The following MYBL2 variants were observed in gnomAD, a reference collection of about 807,000 sequenced individuals.
The protein encoded by MYBL2 is MYB proto-oncogene like 2.
Under a neutral mutation model 79.9 loss-of-function variants are expected in MYBL2, and 28 were observed. The ratio of observed to expected loss-of-function variants is 0.35; its 90% CI spans 0.26 to 0.48. MYBL2 has a LOEUF of 0.48. Among genes scored for constraint, MYBL2 ranks in the 20% least tolerant of loss-of-function variants. The pLI, the probability that MYBL2 is intolerant of heterozygous loss-of-function variation, is 0.99. For missense variants in MYBL2, 735 were observed against 893.9 expected (o/e 0.82, Z 2.27); for synonymous variants, 378 against 361.2 (o/e 1.05, Z -0.53).
At chr20:43,671,524 G>A (rs1185968485) in intron 1 of MYBL2, among the ~76,000 whole-genome samples, 1 of 137,920 alleles carries the variant, frequency 7.3e-6, no homozygotes, top group Non-Finnish European at 1.5e-5. Context: ...CCAGGCTAGA[G>A]TGCAATGGCT....
Position 43,684,975 on chromosome 20 carries a change from C to T in MYBL2, c.280-1877C>T, listed in dbSNP as rs568916318. On this transcript the variant is annotated intron_variant, in intron 4 of 13. Transcript: ENST00000217026. ...CAGCCTGACCAACATGGCGAAACCCCGTCTCTACTAAAAATGCAAAGATGA... is the reference window on the plus strand; with the variant it reads ...CAGCCTGACCAACATGGCGAAACCCTGTCTCTACTAAAAATGCAAAGATGA... 3.3e-5 allele frequency among the ~76,000 whole-genome samples: 5 copies of T among 151,370 alleles called. No individual in the cohort carries two copies. In the East Asian group the frequency reaches 8.0e-4, roughly 24 times the overall value.
At chr20:43,680,718 C>G (rs1265549671) in intron 2 of MYBL2, among the ~76,000 whole-genome samples, 1 of 152,146 alleles carries the variant, frequency 6.6e-6, no homozygotes, top group Non-Finnish European at 1.5e-5. Flanking sequence ...TGGTCTCGAA[C>G]CCCTGACCTC....
intron 8 of MYBL2, among the ~76,000 whole-genome samples, chr20:43,703,235 C>T (rs1047550578): frequency 7.9e-5 from 12 of 151,800 alleles, no homozygotes; most frequent in African/African-American, 2.9e-4. Flanking sequence ...AGCAGACTTA[C>T]CAGCACTGGG....
At chr20:43,672,944 C>A (rs1286283038) in intron 1 of MYBL2, among the ~76,000 whole-genome samples, 1 of 152,026 alleles carries the variant, frequency 6.6e-6, no homozygotes, top group East Asian at 1.9e-4. Context: ...TCTTAACTTT[C>A]TTTTTCCTTT....
intron 1 of MYBL2, among the ~76,000 whole-genome samples, chr20:43,668,897 C>G (rs1220475877): frequency 6.6e-6 from 1 of 152,146 alleles, no homozygotes; most frequent in East Asian, 1.9e-4. Flanking sequence ...GACAGAGCCA[C>G]TCTGTGTTGC....
rs1195606879 is a variant in MYBL2 at position 43,716,067 on chromosome 20, C to T, written c.2083C>T (p.Arg695Trp). Residue 695 changes from arginine to tryptophan, a missense_variant, in exon 14 of 14, where the codon CGG (arginine) becomes TGG (tryptophan). Physicochemically the swap from Arg to Trp is moderately radical, Grantham distance 101. Around this residue, in one of 5 missense-constraint regions of MYBL2, gnomAD observed 204 missense variants for 202.9 expected, o/e 1.01. Transcript: ENST00000217026. ...CCGCCTGAAGCCCAGCCACACATCT[C>T]GGACCCTCATCTTGTCCTGAGGTGT... is the stretch of plus-strand genomic sequence containing the variant. ...LGRLKPSHTS[R>W]TLILS is the part of the protein sequence containing the mutation. 6.2e-7 allele frequency: 1 copy of T among 1,608,886 alleles called. No homozygotes were observed. Among genetic ancestry groups the T allele is most frequent in the African/African-American group, 1.3e-5 (1 of 75,012 alleles).
Position 43,716,271 on chromosome 20 carries a change from G to A in MYBL2, c.*184G>A, listed in dbSNP as rs1308685859. ...TGCCCTGTTGCCGAGCCCAGCTGTG[G>A]GCGGCTCCTGGTGCTAACAACAAAG... On this transcript the variant is annotated 3_prime_UTR_variant, in exon 14 of 14. Transcript: ENST00000217026. The A allele has an allele frequency of 9.2e-6, 8 of 872,292 alleles. No individual in the cohort carries two copies. The Admixed American group carries it at 2.6e-4, about 29-fold the overall frequency. 54.0% of individuals were successfully genotyped at this position (872,292 alleles called of 1,614,324 possible). A position where few individuals can be genotyped will look rare whatever the true frequency, so the allele number is the denominator to read the frequency against.
At chr20:43,712,330 C>T (rs1987926309) in intron 11 of MYBL2, among the ~76,000 whole-genome samples, 2 of 152,154 alleles carry the variant, frequency 1.3e-5, no homozygotes, top group South Asian at 2.1e-4. Flanking sequence ...GGGAGGTGGG[C>T]GGTCAGCCTG....
At chr20:43,676,707 T>A (rs1987017761) in intron 2 of MYBL2, among the ~76,000 whole-genome samples, 1 of 152,228 alleles carries the variant, frequency 6.6e-6, no homozygotes, top group Admixed American at 6.5e-5. Flanking sequence ...GGTGTATGTT[T>A]AGTTTTACAG....
Position 43,692,244 on chromosome 20 carries a change from C to T in MYBL2, c.588C>T (p.Cys196=). The T allele has an allele frequency of 5.6e-6, 9 of 1,614,202 alleles. No individual in the cohort carries two copies. The highest frequency in any genetic ancestry group is 7.6e-6 in the Non-Finnish European group (9 of 1,180,032). ...GCTTCTTGAGCGAGTCCAAAGACTG[C>T]AAGCCCCCAGTGTACTTGCTGCTGG... is the stretch of plus-strand genomic sequence containing the variant. The part of the protein sequence containing the change: ...TGGFLSESKD[C]KPPVYLLLEL... The change falls in exon 6 of 14, where the codon TGC becomes TGT. Residue 196 remains cysteine (C), a synonymous_variant. Coordinates refer to ENST00000217026, the MANE Select transcript of MYBL2 (RefSeq NM_002466.4).
chr20:43,707,195 TA>T (rs199537584), intron 9 of MYBL2, among the ~76,000 whole-genome samples: 137 of 133,460 alleles, frequency 1.0e-3, no homozygotes, highest in East Asian at 6.4e-3. Flanking sequence ...TTTTTTTTTT[TA>T]AAAAAAAAAG....
chr20:43,704,356 CAG>C (rs1022814918), intron 8 of MYBL2, among the ~76,000 whole-genome samples: 2 of 152,164 alleles, frequency 1.3e-5, no homozygotes, highest in African/African-American at 4.8e-5. Flanking sequence ...AGTATTAATA[CAG>C]TCCCATTCTG....
At position 43,692,277 on chromosome 20, in the gene MYBL2, G is replaced by A; in HGVS notation, c.621G>A (p.Glu207=). The stretch of plus-strand genomic sequence containing the variant: ...CAGTGTACTTGCTGCTGGAGCTCGA[G>A]GACAAGGACGGCCTCCAGAGTGCCC... ...KPPVYLLLEL[E]DKDGLQSAQP... is the part of the protein sequence containing the mutation. Residue 207 remains glutamate (E), a synonymous_variant, in exon 6 of 14, where the codon GAG becomes GAA. Coordinates refer to ENST00000217026, the MANE Select transcript of MYBL2 (RefSeq NM_002466.4). 1.2e-6 allele frequency: 2 copies of A among 1,614,220 alleles called. No homozygotes were observed. The highest frequency in any genetic ancestry group is 1.1e-5 in the South Asian group (1 of 91,086).
At chr20:43,679,362 C>G (rs1987092201) in intron 2 of MYBL2, among the ~76,000 whole-genome samples, 1 of 152,172 alleles carries the variant, frequency 6.6e-6, no homozygotes, top group African/African-American at 2.4e-5. Context: ...AAATTTATCC[C>G]CTTTTCCTCC....
rs1410568529 is a variant in MYBL2, at chr20:43,699,627, C to G, written c.664-130C>G. ...GAAGTATATGGTATGGCTAATTATTCTGTAGAATGTTTCTCTATTTGGGTT... is the reference window on the plus strand; with the variant it reads ...GAAGTATATGGTATGGCTAATTATTGTGTAGAATGTTTCTCTATTTGGGTT... On this transcript the variant is annotated intron_variant, in intron 6 of 13. Transcript: ENST00000217026. 4.1e-6 allele frequency: 4 copies of G among 979,812 alleles called. No individual in the cohort carries two copies. In the African/African-American group the frequency reaches 6.6e-5, roughly 16 times the overall value. The allele number at this position is 979,812 out of a possible 1,614,324, so 60.7% of individuals were successfully genotyped here.
intron 5 of MYBL2, among the ~76,000 whole-genome samples, chr20:43,689,217 C>CT (rs1987350299): frequency 6.6e-6 from 1 of 152,146 alleles, no homozygotes; most frequent in African/African-American, 2.4e-5. Context: ...TTTTGAATCC[C>CT]TTTTTTTGTC....
At chr20:43,715,412 C>T (rs1466628383) in intron 13 of MYBL2, 129 bp downstream of exon 13, 4 of 1,450,562 alleles carry the variant, frequency 2.8e-6, no homozygotes, top group East Asian at 2.3e-5. Context: ...TAGGCTGTTC[C>T]TCTGCCTGGG....
At chr20:43,683,998 G>C (rs1020080619) in intron 4 of MYBL2, among the ~76,000 whole-genome samples, 1 of 151,876 alleles carries the variant, frequency 6.6e-6, no homozygotes, top group African/African-American at 2.4e-5. Flanking sequence ...ACATAATCAC[G>C]GCTCATTGCA....
At chr20:43,677,818 T>C (rs971412035) in intron 2 of MYBL2, among the ~76,000 whole-genome samples, 4 of 152,112 alleles carry the variant, frequency 2.6e-5, no homozygotes, top group Admixed American at 2.6e-4. Flanking sequence ...CAACAGCTCA[T>C]TGAGAACGGG....
Sources: gnomAD v4.1 joint callset for allele counts (sites outside exome capture counted in the v4.1 genomes callset) on GRCh38, gnomAD v4.1.1 for gene constraint, gnomAD v4.1.1 regional missense constraint, MANE v1.5 for transcripts, NCBI Gene and HGNC (gene_info 2026-07-23, HGNC 2026-07-21) for gene names.